The following TRIM10 variants were observed in gnomAD, a reference collection of about 807,000 sequenced individuals.
TRIM10 encodes the protein tripartite motif containing 10.
Under a neutral mutation model 40.0 loss-of-function variants are expected in TRIM10, and 42 were observed. The observed-to-expected ratio is 1.05, with a 90% CI of 0.82 to 1.36. The LOEUF (loss-of-function observed/expected upper bound fraction) is 1.36. Ranked by LOEUF, TRIM10 falls within the 40% of genes most tolerant of loss-of-function variation. The pLI is 0.00. For synonymous variants in TRIM10, 260 were observed against 239.5 expected, an observed-to-expected ratio of 1.09 and a Z score of -0.79; for missense variants, 601 against 608.3, an observed-to-expected ratio of 0.99 and a Z score of 0.13.
At chr6:30,160,226 C>G (rs1014483534) in intron 1 of TRIM10, among the ~76,000 whole-genome samples, 4 of 152,312 alleles carry the variant, frequency 2.6e-5, no homozygotes, top group Admixed American at 2.0e-4. Flanking sequence ...CTCCCGTTAT[C>G]TGTTGGCCAC....
chr6:30,162,854 TCTGA>T (rs976565464), upstream of TRIM10, among the ~76,000 whole-genome samples: 27 of 152,114 alleles, frequency 1.8e-4, no homozygotes, highest in African/African-American at 5.8e-4. Context: ...AAACTGATTA[TCTGA>T]CTAATCGTTT....
Position 30,160,442 on chromosome 6 carries a change from C to T in TRIM10, c.417G>A (p.Ala139=), listed in dbSNP as rs373243528. The change falls in exon 1 of 7, where the codon GCG becomes GCA. Residue 139 remains alanine, a synonymous_variant. Transcript: ENST00000449742. ...THTMRFLEDA[A]APYREQIHKC... ...TCCCCTTTCCTACCCTATAGGGAGC[C>T]GCTGCATCCTCCAGGAAGCGCATGG... is the stretch of plus-strand genomic sequence containing the variant. 10 of 1,613,592 alleles carry T rather than the reference C, an allele frequency of 6.2e-6. No homozygotes were observed. The highest frequency in any genetic ancestry group is 5.5e-5 in the South Asian group (5 of 91,052).
chr6:30,155,853 G>C, intron 5 of TRIM10, 94 bp from the exon 6 acceptor site: 1 of 1,214,578 alleles, frequency 8.2e-7, no homozygotes, highest in Non-Finnish European at 1.2e-6. Flanking sequence ...AAGAGGGAAG[G>C]GACAAGAAGA....
At chr6:30,162,291 G>A (rs57254428), upstream of TRIM10, among the ~76,000 whole-genome samples, 4 of 145,630 alleles carry the variant, frequency 2.7e-5, no homozygotes, top group African/African-American at 2.6e-5. Flanking sequence ...AAAAAAAAAA[G>A]AAAAGAAAAA....
At chr6:30,154,691 T>C in intron 6 of TRIM10, 1 of 731,320 alleles carries the variant, frequency 1.4e-6, no homozygotes, top group Non-Finnish European at 2.4e-6. Context: ...GATGCCCAGG[T>C]GATTTGCACA....
chr6:30,159,589 G>A (rs527502020), intron 1 of TRIM10, among the ~76,000 whole-genome samples: 68 of 152,250 alleles, frequency 4.5e-4, no homozygotes, highest in African/African-American at 1.6e-3. Context: ...GATATGCCCC[G>A]CACTGAAATC....
intron 6 of TRIM10, 170 bp from the exon 7 acceptor site, chr6:30,154,656 G>C: frequency 1.2e-6 from 1 of 816,068 alleles, no homozygotes; most frequent in Non-Finnish European, 2.0e-6. Context: ...TTAGATATAC[G>C]CTCTCAGAAT....
upstream of TRIM10, chr6:30,163,818 A>G: frequency 6.2e-7 from 1 of 1,613,034 alleles, no homozygotes; most frequent in Non-Finnish European, 8.5e-7. Context: ...GCGCTCTCCC[A>G]GATGGGGGCC....
upstream of TRIM10, chr6:30,163,374 C>A: frequency 2.1e-6 from 1 of 484,040 alleles, no homozygotes; most frequent in South Asian, 3.1e-5. Context: ...ACCCTAGGGA[C>A]CAGAAGGAGC....
Position 30,153,833 on chromosome 6 carries a change from C to T in TRIM10, c.*136G>A, listed in dbSNP as rs570523320. 4 of 1,609,572 alleles carry T rather than the reference C, an allele frequency of 2.5e-6. No homozygotes were observed. The African/African-American group carries it at 4.0e-5, about 16-fold the overall frequency. On this transcript the variant is annotated 3_prime_UTR_variant, in exon 7 of 7. Coordinates refer to ENST00000449742, the MANE Select transcript of TRIM10 (RefSeq NM_006778.4). ...GAGTCCTCTCTTCTATCCCTTACCA[C>T]CCGGCCCCATCCCATCTTCTAAAGC...
At chr6:30,162,443 T>G (rs1436209250), upstream of TRIM10, among the ~76,000 whole-genome samples, 3 of 152,154 alleles carry the variant, frequency 2.0e-5, no homozygotes, top group Admixed American at 6.5e-5. Context: ...GTTCCTGGGC[T>G]GCACTCGTGG....
rs1228213399 is a variant in TRIM10 at position 30,154,087 on chromosome 6, G to T, written c.1328C>A (p.Thr443Asn). 1 of 1,612,894 alleles carries T rather than the reference G, an allele frequency of 6.2e-7. No homozygotes were observed. Among genetic ancestry groups the T allele is most frequent in the Non-Finnish European group, 8.5e-7 (1 of 1,180,010 alleles). ...VSLDYEVGWV[T>N]FTNAVTREPI... ...CTCTCGGGTGACAGCGTTGGTGAAG[G>T]TCACCCAGCCCACCTCATAGTCAAG... The change falls in exon 7 of 7, where the codon ACC (threonine) becomes AAC (asparagine). Residue 443 changes from threonine (T) to asparagine (N), a missense_variant. Physicochemically the swap from Thr to Asn is moderately conservative, Grantham distance 65. Transcript: ENST00000449742.
chr6:30,163,889 C>T, upstream of TRIM10: 1 of 1,613,052 alleles, frequency 6.2e-7, no homozygotes, highest in Non-Finnish European at 8.5e-7. Flanking sequence ...GGCAGAGACT[C>T]CCATGGCCCC....
chr6:30,153,587 A>T lies in TRIM10; in HGVS notation c.*382T>A. The T allele has an allele frequency of 1.0e-6, 1 of 994,268 alleles. No homozygotes were observed. The highest frequency in any genetic ancestry group is 2.6e-5 in the East Asian group (1 of 38,298). 61.6% of individuals were successfully genotyped at this position (994,268 alleles called of 1,614,324 possible). A position where few individuals can be genotyped will look rare whatever the true frequency, so the allele number is the denominator to read the frequency against. On this transcript the variant is annotated 3_prime_UTR_variant, in exon 7 of 7. Coordinates refer to ENST00000449742, the MANE Select transcript of TRIM10 (RefSeq NM_006778.4). ...TGAACTCTAACATTATTGGAAGAAA[A>T]CAAGATGAAAAGAGGTGAGATGCCT...
At chr6:30,158,316 C>T in intron 3 of TRIM10, 83 bp downstream of exon 3, 2 of 1,177,008 alleles carry the variant, frequency 1.7e-6, no homozygotes, top group Non-Finnish European at 2.5e-6. Context: ...ATGTGTGAGT[C>T]AGGGAGACAT....
In TRIM10 at chr6:30,154,408, TAGG is replaced by T; in HGVS notation, c.1004_1006del (p.Ser335del). The T allele has an allele frequency of 6.2e-7, 1 of 1,612,958 alleles. No individual in the cohort carries two copies. The highest frequency in any genetic ancestry group is 8.5e-7 in the Non-Finnish European group (1 of 1,179,982). ...GTTGTCTGGTGAGTTCTGCCATTTGTAGGAGAACTGAGCTCGCTGGTGGTCCTC... is the reference window on the plus strand; with the variant it reads ...GTTGTCTGGTGAGTTCTGCCATTTGTAGAACTGAGCTCGCTGGTGGTCCTC... On this transcript the variant is annotated inframe_deletion, in exon 7 of 7. Coordinates refer to ENST00000449742, the MANE Select transcript of TRIM10 (RefSeq NM_006778.4).
At chr6:30,160,317 TG>T in intron 1 of TRIM10, 112 bp downstream of exon 1, 1 of 1,176,680 alleles carries the variant, frequency 8.5e-7, no homozygotes. Context: ...TGGGTGATCA[TG>T]TAAGTAAGGA....
In TRIM10 at chr6:30,158,443, C is replaced by G. The variant is rs868721021; in HGVS notation, c.712G>C (p.Glu238Gln). The change falls in exon 3 of 7, where the codon GAA becomes CAA. Residue 238 changes from glutamate to glutamine, a missense_variant. Physicochemically the swap from Glu to Gln is conservative, Grantham distance 29. Coordinates refer to ENST00000449742, the MANE Select transcript of TRIM10 (RefSeq NM_006778.4). ...EICRFSALIE[E>Q]LEEKNERPAR... Reference sequence around the variant, plus strand: ...GGCCTCTCATTCTTCTCCTCCAGTTCTTCAATAAGAGCACTAAACCGGCAG... The same window carrying G: ...GGCCTCTCATTCTTCTCCTCCAGTTGTTCAATAAGAGCACTAAACCGGCAG... 1 of 1,612,980 alleles carries G rather than the reference C, an allele frequency of 6.2e-7. No individual in the cohort carries two copies. The highest frequency in any genetic ancestry group is 8.5e-7 in the Non-Finnish European group (1 of 1,180,032).
At chr6:30,161,488 T>C (rs112222032), upstream of TRIM10, among the ~76,000 whole-genome samples, 1,692 of 152,296 alleles carry the variant, frequency 0.011, 25 homozygotes, top group African/African-American at 0.035. Flanking sequence ...GAAAGAAAAC[T>C]ACTAACGGCC....
Sources: gnomAD v4.1 joint callset for allele counts (sites outside exome capture counted in the v4.1 genomes callset) on GRCh38, gnomAD v4.1.1 for gene constraint, MANE v1.5 for transcripts, NCBI Gene and HGNC (gene_info 2026-07-23, HGNC 2026-07-21) for gene names.